GABRA3: variants seen among roughly 807,000 people sequenced by gnomAD.
The protein encoded by GABRA3 is gamma-aminobutyric acid type A receptor subunit alpha3, also known as gamma-aminobutyric acid receptor subunit alpha-3.
GABRA3 carries 10 observed loss-of-function variants against 30.1 expected under a neutral mutation model. That is an observed-to-expected ratio of 0.33 (90% CI 0.20 to 0.56). The LOEUF (loss-of-function observed/expected upper bound fraction) is 0.56, where lower values mean the gene tolerates loss of function less well. Ranked by LOEUF, GABRA3 falls within the 20% of genes least tolerant of loss-of-function variation. The pLI is 0.89. For synonymous variants in GABRA3, 151 were observed against 146.8 expected (o/e 1.03, Z -0.21); for missense variants, 233 against 392.0 (o/e 0.59, Z 3.42).
chrX:152,389,283 T>C, intron 1 of GABRA3: 1 of 112,048 alleles, frequency 8.9e-6, no homozygotes, highest in Non-Finnish European at 1.9e-5. Context: ...ACAAACAACC[T>C]CAGATTATGA....
Position 152,284,275 on chromosome X carries a change from G to C in GABRA3, c.330+393C>G, listed in dbSNP as rs6653475. On this transcript the variant is annotated intron_variant, in intron 4 of 9. Transcript: ENST00000370314. Reference sequence around the variant, plus strand: ...CCAGTTACAAGGAACAGACTTCTTGGATGACACCACCAGCTGCTTTACTGA... The same window carrying C: ...CCAGTTACAAGGAACAGACTTCTTGCATGACACCACCAGCTGCTTTACTGA... Among the ~76,000 whole-genome samples the C allele has an allele frequency of 2.1e-3, 235 of 111,567 alleles. 1 individual carries two copies. Among genetic ancestry groups the C allele is most frequent in the African/African-American group, 7.5e-3 (230 of 30,731 alleles).
intron 5 of GABRA3, among the ~76,000 whole-genome samples, chrX:152,255,435 G>C (rs1036412169): frequency 9.0e-6 from 1 of 111,707 alleles, no homozygotes; most frequent in Non-Finnish European, 1.9e-5. Flanking sequence ...TCATGCCTGT[G>C]TGTATGTTTT....
intron 6 of GABRA3, among the ~76,000 whole-genome samples, chrX:152,219,942 T>G (rs1937800997): frequency 9.0e-6 from 1 of 111,517 alleles, no homozygotes; most frequent in South Asian, 3.7e-4. Context: ...TGTGTAGTGC[T>G]GTTTACTTTA....
rs772067862 is a variant in GABRA3, at chrX:152,332,597, A to G, written c.262+12984T>C. On this transcript the variant is annotated intron_variant, in intron 3 of 9. Transcript: ENST00000370314. ...GCAAGGTATCTCGACCCTTTTTTTT[A>G]CAGATGAGAAAACAGACTTGGGGAG... 2.7e-5 allele frequency among the ~76,000 whole-genome samples: 3 copies of G among 111,723 alleles called. No individual in the cohort carries two copies. In the South Asian group the frequency reaches 1.1e-3, roughly 42 times the overall value.
chrX:152,247,521 T>C (rs889180293), intron 5 of GABRA3, among the ~76,000 whole-genome samples: 7 of 111,793 alleles, frequency 6.3e-5, no homozygotes, highest in South Asian at 7.4e-4. Flanking sequence ...CTGCCACTTA[T>C]TGGTGGTGTG....
At chrX:152,267,954 T>C (rs1203051888) in intron 4 of GABRA3, among the ~76,000 whole-genome samples, 3 of 109,910 alleles carry the variant, frequency 2.7e-5, no homozygotes, top group Non-Finnish European at 3.8e-5. Flanking sequence ...TTTTCATTGA[T>C]CTTCTGTATA....
intron 5 of GABRA3, among the ~76,000 whole-genome samples, chrX:152,235,038 T>C (rs1320214467): frequency 8.9e-6 from 1 of 111,978 alleles, no homozygotes; most frequent in Admixed American, 9.6e-5. Flanking sequence ...GGAATTGCAC[T>C]GAATCTCTAG....
At chrX:152,249,188 C>G (rs1256866836) in intron 5 of GABRA3, among the ~76,000 whole-genome samples, 2 of 110,870 alleles carry the variant, frequency 1.8e-5, no homozygotes, top group South Asian at 3.9e-4. Context: ...TATTACACCC[C>G]TAATACTTCC....
intron 1 of GABRA3, among the ~76,000 whole-genome samples, chrX:152,388,917 TGAA>T (rs60759623): frequency 0.096 from 10,668 of 111,316 alleles, 874 homozygotes; most frequent in East Asian, 0.43. Context: ...CATTTGGAGA[TGAA>T]AAAGGAAAAG....
intron 9 of GABRA3, among the ~76,000 whole-genome samples, chrX:152,185,024 C>T (rs950152696): frequency 9.0e-6 from 1 of 111,606 alleles, no homozygotes; most frequent in Non-Finnish European, 1.9e-5. Context: ...ATCTTAAAAT[C>T]AGTTATATTA....
chrX:152,222,920 T>C (rs1937870738), intron 6 of GABRA3, among the ~76,000 whole-genome samples: 1 of 110,983 alleles, frequency 9.0e-6, no homozygotes, highest in South Asian at 3.8e-4. Context: ...TTCAACTTTT[T>C]TCATATTAGC....
chrX:152,199,980 CCTAGAGTA>C (rs1357730155), intron 7 of GABRA3, among the ~76,000 whole-genome samples: 1 of 111,845 alleles, frequency 8.9e-6, no homozygotes, highest in African/African-American at 3.3e-5. Flanking sequence ...TCATGTCTCA[CCTAGAGTA>C]CTATAATAGC....
rs187838342 is a variant in GABRA3, at chrX:152,275,628, G to A, written c.330+9040C>T. ...ACAAAAATTAGCCAGGTGTGGTGGC[G>A]CGTGCCTGTAATCCTAGCTACTGGG... On this transcript the variant is annotated intron_variant, in intron 4 of 9. Coordinates refer to ENST00000370314, the MANE Select transcript of GABRA3 (RefSeq NM_000808.4). Among the ~76,000 whole-genome samples, 934 of 106,384 alleles carry A rather than the reference G, an allele frequency of 8.8e-3. 13 individuals carry two copies. The highest frequency in any genetic ancestry group is 0.025 in the African/African-American group (752 of 29,531). The allele number at this position is 106,384 out of a possible 115,157, so 92.4% of individuals were successfully genotyped here.
rs765377460 is a variant in GABRA3 at position 152,219,982 on chromosome X, A to G, written c.634+4781T>C. ...GAAATTCAAATGTTGTTATTCAAAT[A>G]CTATCAGTTTGCTATCATTTTCCAG... On this transcript the variant is annotated intron_variant, in intron 6 of 9. Transcript: ENST00000370314. Among the ~76,000 whole-genome samples the G allele has an allele frequency of 4.5e-5, 5 of 111,494 alleles. No homozygotes were observed. The South Asian group carries it at 1.9e-3, about 42-fold the overall frequency.
chrX:152,438,563 T>A (rs183295886), intron 1 of GABRA3, among the ~76,000 whole-genome samples: 1 of 112,656 alleles, frequency 8.9e-6, no homozygotes, highest in East Asian at 2.8e-4. Context: ...AACCAAGATG[T>A]CCTTCAGTAG....
chrX:152,411,843 T>C (rs1483971898), intron 1 of GABRA3, among the ~76,000 whole-genome samples: 1 of 111,774 alleles, frequency 8.9e-6, no homozygotes, highest in Admixed American at 9.5e-5. Context: ...TCTAGTACCC[T>C]CAATATATAA....
intron 1 of GABRA3, among the ~76,000 whole-genome samples, chrX:152,372,778 A>G (rs1288277524): frequency 1.8e-5 from 2 of 111,917 alleles, no homozygotes; most frequent in African/African-American, 3.2e-5. Context: ...TATGCTCTCA[A>G]CTTTTTAAAG....
At chrX:152,394,037 G>GTCATCA (rs1175151233) in intron 1 of GABRA3, among the ~76,000 whole-genome samples, 1 of 110,962 alleles carries the variant, frequency 9.0e-6, no homozygotes, top group Non-Finnish European at 1.9e-5. Flanking sequence ...TCATTGTCAT[G>GTCATCA]TCATCATCAT....
chrX:152,251,983 T>C (rs1393151108), intron 5 of GABRA3, among the ~76,000 whole-genome samples: 1 of 111,463 alleles, frequency 9.0e-6, no homozygotes, highest in Non-Finnish European at 1.9e-5. Context: ...TGATGGTATT[T>C]ATGAGAACTT....
Sources: gnomAD v4.1 joint callset for allele counts (sites outside exome capture counted in the v4.1 genomes callset) on GRCh38, gnomAD v4.1.1 for gene constraint, MANE v1.5 for transcripts, NCBI Gene and HGNC (gene_info 2026-07-23, HGNC 2026-07-21) for gene names.